The following CSMD3 variants were observed in gnomAD, a reference collection of about 807,000 sequenced individuals.
CSMD3 encodes the protein CUB and sushi domain-containing protein 3.
CSMD3 carries 177 observed loss-of-function variants against 435.2 expected under a neutral mutation model. That is an observed-to-expected ratio of 0.41 (90% CI 0.36 to 0.46). The LOEUF (loss-of-function observed/expected upper bound fraction) is 0.46, where lower values mean the gene tolerates loss of function less well. CSMD3 is among the 20% of genes least tolerant of loss of function. The pLI, the probability that CSMD3 is intolerant of heterozygous loss-of-function variation, is 0.34. For missense variants in CSMD3, 4,265 were observed against 4,504.6 expected (o/e 0.95, Z 1.52); for synonymous variants, 1,656 against 1,520.5 (o/e 1.09, Z -2.07).
At chr8:112,773,310 C>T (rs1281589220) in intron 13 of CSMD3, among the ~76,000 whole-genome samples, 3 of 152,022 alleles carry the variant, frequency 2.0e-5, no homozygotes, top group Non-Finnish European at 4.4e-5. Flanking sequence ...CAAGTATAAT[C>T]TATAAAAGTT....
At chr8:113,354,628 T>C (rs566287945) in intron 1 of CSMD3, among the ~76,000 whole-genome samples, 1 of 152,214 alleles carries the variant, frequency 6.6e-6, no homozygotes, top group East Asian at 1.9e-4. Context: ...TTTGTTATTG[T>C]TGTTGTTTTG....
At chr8:112,395,740 T>A (rs1430216883) in intron 35 of CSMD3, among the ~76,000 whole-genome samples, 3 of 152,110 alleles carry the variant, frequency 2.0e-5, no homozygotes, top group Non-Finnish European at 4.4e-5. Context: ...GTTATTTGAA[T>A]CACAGAGTCT....
chr8:113,082,504 A>G (rs1409027896), intron 5 of CSMD3, among the ~76,000 whole-genome samples: 3 of 152,168 alleles, frequency 2.0e-5, no homozygotes, highest in Non-Finnish European at 4.4e-5. Context: ...TGCCCTATAA[A>G]TCTACTCCAC....
intron 38 of CSMD3, among the ~76,000 whole-genome samples, chr8:112,372,970 A>T (rs926419903): frequency 1.4e-4 from 21 of 144,872 alleles, no homozygotes; most frequent in African/African-American, 2.8e-4. Context: ...CAGCAGAAAA[A>T]ATATATATAT....
chr8:112,683,235 C>G (rs1174395564), intron 15 of CSMD3, among the ~76,000 whole-genome samples: 2 of 151,904 alleles, frequency 1.3e-5, no homozygotes, highest in Non-Finnish European at 2.9e-5. Flanking sequence ...ATGTTATTAT[C>G]TCATTTAATA....
intron 3 of CSMD3, among the ~76,000 whole-genome samples, chr8:113,205,000 T>G (rs995189144): frequency 6.6e-6 from 1 of 150,690 alleles, no homozygotes; most frequent in Non-Finnish European, 1.5e-5. Flanking sequence ...TTTTTTTTTT[T>G]GGAGACAAAG....
chr8:113,089,181 T>C (rs2089915478), intron 5 of CSMD3, among the ~76,000 whole-genome samples: 2 of 152,162 alleles, frequency 1.3e-5, no homozygotes, highest in Admixed American at 1.3e-4. Context: ...CACTCTCCTC[T>C]TTCAATACAT....
At chr8:113,396,483 A>G (rs1185393182) in intron 1 of CSMD3, among the ~76,000 whole-genome samples, 1 of 152,180 alleles carries the variant, frequency 6.6e-6, no homozygotes, top group East Asian at 1.9e-4. Flanking sequence ...CTTCCACTCT[A>G]GTATAGAGGA....
chr8:112,849,788 C>T lies in CSMD3; in HGVS notation c.1755+9357G>A, dbSNP rs147278948. Reference sequence around the variant, plus strand: ...CATTTTGACTGGCTTAAGTAAAATACGTATTTTAAGTTATGGGGTAGGACA... The same window carrying T: ...CATTTTGACTGGCTTAAGTAAAATATGTATTTTAAGTTATGGGGTAGGACA... On this transcript the variant is annotated intron_variant, in intron 11 of 70. Transcript: ENST00000297405. 2.8e-3 allele frequency among the ~76,000 whole-genome samples: 431 copies of T among 151,726 alleles called. 6 individuals are homozygous for T. The highest frequency in any genetic ancestry group is 9.8e-3 in the African/African-American group (404 of 41,410).
intron 16 of CSMD3, 141 bp downstream of exon 16, chr8:112,682,301 C>T (rs1018828289): frequency 2.4e-5 from 17 of 709,756 alleles, no homozygotes; most frequent in African/African-American, 1.3e-4. Context: ...ATTTCCTTAA[C>T]AAGATATGTT....
intron 4 of CSMD3, among the ~76,000 whole-genome samples, chr8:113,142,136 T>G (rs1564360551): frequency 6.6e-6 from 1 of 151,042 alleles, no homozygotes. Flanking sequence ...ACTAAGTAAA[T>G]GGAGAGGCTG....
At chr8:113,018,812 A>G in intron 6 of CSMD3, 1 of 461,486 alleles carries the variant, frequency 2.2e-6, no homozygotes, top group Non-Finnish European at 3.9e-6. Context: ...TTAAAGAAAA[A>G]TATTGCATCT....
Position 112,517,176 on chromosome 8 carries a change from A to C in CSMD3, c.4614T>G (p.Thr1538=), listed in dbSNP as rs892309970. 1.9e-6 allele frequency: 3 copies of C among 1,613,638 alleles called. No individual in the cohort carries two copies. The African/African-American group carries it at 4.0e-5, about 22-fold the overall frequency. Residue 1538 remains threonine (T), a synonymous_variant, in exon 28 of 71, where the codon ACT becomes ACG. Transcript: ENST00000297405. ...CAGGTTCTCTTCCATCCCCATTTCG[A>C]GTCCCATTCATGGGGACCCCTGGGT... is the stretch of plus-strand genomic sequence containing the variant. ...CRDPGVPMNG[T]RNGDGREPGD... is the part of the protein sequence containing the mutation.
chr8:112,656,537 T>C (rs1563819346), intron 17 of CSMD3, among the ~76,000 whole-genome samples, 196 bp from the exon 18 acceptor site: 1 of 152,098 alleles, frequency 6.6e-6, no homozygotes, highest in African/African-American at 2.4e-5. Flanking sequence ...CTCTTATTCC[T>C]ATGAAAAATT....
intron 4 of CSMD3, among the ~76,000 whole-genome samples, chr8:113,171,723 C>A (rs1372075490): frequency 1.3e-5 from 2 of 152,166 alleles, no homozygotes; most frequent in Non-Finnish European, 2.9e-5. Context: ...TGCTTCTTTA[C>A]CACAGCCCAT....
At chr8:112,796,671 AT>A (rs1480479145) in intron 13 of CSMD3, among the ~76,000 whole-genome samples, 3 of 150,458 alleles carry the variant, frequency 2.0e-5, no homozygotes, top group African/African-American at 7.3e-5. Flanking sequence ...TAATGACCCT[AT>A]AAAAACAACA....
At chr8:112,688,208 T>G (rs1040437195) in intron 14 of CSMD3, among the ~76,000 whole-genome samples, 1 of 152,136 alleles carries the variant, frequency 6.6e-6, no homozygotes, top group Admixed American at 6.6e-5. Context: ...ATCTAAATGA[T>G]CCCCACTTGG....
chr8:113,410,959 G>T (rs1002424688), intron 1 of CSMD3, among the ~76,000 whole-genome samples: 76 of 105,432 alleles, frequency 7.2e-4, no homozygotes, highest in Non-Finnish European at 1.1e-3. Flanking sequence ...GAAAGAGAAG[G>T]GAGGGAGGGA....
At chr8:112,340,281 A>C (rs1354141461) in intron 42 of CSMD3, among the ~76,000 whole-genome samples, 1 of 152,186 alleles carries the variant, frequency 6.6e-6, no homozygotes. Flanking sequence ...TGGTTAATTC[A>C]ATGTGCTGGG....
Sources: allele counts gnomAD v4.1 joint callset (sites outside exome capture counted in the v4.1 genomes callset), GRCh38; gene constraint gnomAD v4.1.1; transcripts MANE v1.5; gene names NCBI Gene and HGNC (gene_info 2026-07-23, HGNC 2026-07-21).